Variants in GRM5 observed in about 807,000 individuals in gnomAD.
GRM5 encodes the protein glutamate metabotropic receptor 5.
In GRM5, 19 loss-of-function variants were observed where a neutral mutation model predicts 83.1. That is an observed-to-expected ratio of 0.23 (90% CI 0.16 to 0.34). The LOEUF is 0.34. Among genes scored for constraint, GRM5 ranks in the 10% least tolerant of loss-of-function variants. GRM5 has a pLI of 1.00. For synonymous variants in GRM5, 675 were observed against 633.6 expected, an observed-to-expected ratio of 1.07 and a Z score of -0.98; for missense variants, 1,160 against 1,588.3, an observed-to-expected ratio of 0.73 and a Z score of 4.58.
intron 3 of GRM5, among the ~76,000 whole-genome samples, chr11:88,658,594 A>G (rs1939826835): frequency 6.6e-6 from 1 of 152,202 alleles, no homozygotes; most frequent in African/African-American, 2.4e-5. Flanking sequence ...GTAACCACAT[A>G]CAAATGATTA....
At chr11:89,038,798 A>T (rs1941455371) in intron 2 of GRM5, among the ~76,000 whole-genome samples, 1 of 152,206 alleles carries the variant, frequency 6.6e-6, no homozygotes, top group Admixed American at 6.5e-5. Flanking sequence ...CACCTACTCC[A>T]ATGTAAAGGA....
chr11:88,603,847 A>G (rs1591375840), intron 5 of GRM5, among the ~76,000 whole-genome samples: 1 of 152,198 alleles, frequency 6.6e-6, no homozygotes, highest in Admixed American at 6.5e-5. Context: ...GGCAGGGTCA[A>G]CTACAAACAG....
At chr11:88,839,684 TAC>T (rs569452569) in intron 3 of GRM5, among the ~76,000 whole-genome samples, 130 of 152,186 alleles carry the variant, frequency 8.5e-4, no homozygotes, top group Non-Finnish European at 1.6e-3. Context: ...CCTTAAAATA[TAC>T]AGTTGACCCT....
At position 89,024,482 on chromosome 11, in the gene GRM5, A is replaced by C. The variant is rs371744348; in HGVS notation, c.661+22730T>G. On this transcript the variant is annotated intron_variant, in intron 2 of 9. Coordinates refer to ENST00000305447, the MANE Select transcript of GRM5 (RefSeq NM_001143831.3). ...TAATGAAGAAGTTTATTTTGGCATT[A>C]AATTCATTTTTAATTTGCTTCAAAT... is the stretch of plus-strand genomic sequence containing the variant. Among the ~76,000 whole-genome samples, 33 of 152,340 alleles carry C rather than the reference A, an allele frequency of 2.2e-4. No homozygotes were observed. In the East Asian group the frequency reaches 5.4e-3, roughly 25 times the overall value.
At chr11:88,582,552 G>A (rs980864275) in intron 7 of GRM5, among the ~76,000 whole-genome samples, 3 of 152,130 alleles carry the variant, frequency 2.0e-5, no homozygotes, top group Non-Finnish European at 4.4e-5. Flanking sequence ...CTAGATAGCA[G>A]AATTCTGAAA....
rs775747457 is a variant in GRM5 at position 88,508,088 on chromosome 11, C to CAAAAAGAAAGA, written c.*493_*503dup. The CAAAAAGAAAGA allele has an allele frequency of 1.3e-5, 2 of 152,938 alleles. No individual in the cohort carries two copies. The highest frequency in any genetic ancestry group is 2.4e-5 in the African/African-American group (1 of 41,302). The allele number at this position is 152,938 out of a possible 1,614,324, so 9.5% of individuals were successfully genotyped here. ...CAAGGTCTTTACAGGAAAGAAAAAA[C>CAAAAAGAAAGA]AAAAAGAAAGAAAAAAGAAAGAAAA... is the stretch of plus-strand genomic sequence containing the variant. On this transcript the variant is annotated 3_prime_UTR_variant, in exon 10 of 10. Transcript: ENST00000305447. This position sits in a 1 kb window ranked among gnomAD's most constrained non-coding sequence, Gnocchi z 4.2.
chr11:88,959,994 C>A (rs1295661043), intron 2 of GRM5, among the ~76,000 whole-genome samples: 1 of 152,036 alleles, frequency 6.6e-6, no homozygotes, highest in East Asian at 1.9e-4. Flanking sequence ...GATAAGATGA[C>A]ATTTGAGTAG....
chr11:88,889,520 T>G (rs1226916413), intron 2 of GRM5, among the ~76,000 whole-genome samples: 1 of 152,180 alleles, frequency 6.6e-6, no homozygotes, highest in Non-Finnish European at 1.5e-5. Context: ...TGAGGTTACT[T>G]TTTGTAAAGT....
chr11:88,721,965 G>A (rs1271596202), intron 3 of GRM5, among the ~76,000 whole-genome samples: 1 of 152,112 alleles, frequency 6.6e-6, no homozygotes, highest in Non-Finnish European at 1.5e-5. Flanking sequence ...GATGTAAGGT[G>A]TGACTAAATG....
intron 1 of GRM5, among the ~76,000 whole-genome samples, chr11:89,062,882 C>T (rs532118404): frequency 1.4e-4 from 21 of 152,232 alleles, no homozygotes; most frequent in Non-Finnish European, 2.5e-4. Flanking sequence ...CTTGGCATGC[C>T]GCTCATGCCC....
At chr11:88,767,817 C>A (rs1053243132) in intron 3 of GRM5, among the ~76,000 whole-genome samples, 2 of 151,656 alleles carry the variant, frequency 1.3e-5, no homozygotes, top group African/African-American at 2.4e-5. Flanking sequence ...ACATGTACCC[C>A]AGAACCTAAA....
chr11:89,004,010 G>A (rs1940458816), intron 2 of GRM5, among the ~76,000 whole-genome samples: 1 of 152,128 alleles, frequency 6.6e-6, no homozygotes, highest in African/African-American at 2.4e-5. Flanking sequence ...GGCTTAAGAA[G>A]GATAATGAAC....
At chr11:88,867,548 T>C (rs919648535) in intron 2 of GRM5, among the ~76,000 whole-genome samples, 2 of 151,792 alleles carry the variant, frequency 1.3e-5, no homozygotes, top group Admixed American at 6.6e-5. Flanking sequence ...CTGTGTCTTA[T>C]AGAAAATTCC....
chr11:88,533,998 G>A (rs1015382332), intron 8 of GRM5, among the ~76,000 whole-genome samples: 1 of 152,336 alleles, frequency 6.6e-6, no homozygotes, highest in Admixed American at 6.5e-5. Context: ...CAGCTTCCAT[G>A]TGGTGTTGAG....
At chr11:89,006,524 C>G (rs1314496796) in intron 2 of GRM5, among the ~76,000 whole-genome samples, 1 of 152,102 alleles carries the variant, frequency 6.6e-6, no homozygotes, top group Non-Finnish European at 1.5e-5. Flanking sequence ...TTAAAAGCCC[C>G]CAATGACTTC....
chr11:89,030,351 A>G (rs1941233477), intron 2 of GRM5, among the ~76,000 whole-genome samples: 2 of 152,076 alleles, frequency 1.3e-5, no homozygotes, highest in South Asian at 4.1e-4. Flanking sequence ...GCTTTGTGGT[A>G]ATCTCAAAAT....
At chr11:88,945,809 T>A (rs1443949874) in intron 2 of GRM5, among the ~76,000 whole-genome samples, 1 of 152,058 alleles carries the variant, frequency 6.6e-6, no homozygotes, top group East Asian at 1.9e-4. Context: ...AACAAACCGT[T>A]CTGGACATCA....
intron 3 of GRM5, among the ~76,000 whole-genome samples, chr11:88,750,158 C>T (rs576498607): frequency 3.0e-4 from 46 of 152,162 alleles, no homozygotes; most frequent in African/African-American, 1.1e-3. Flanking sequence ...GGACGAAGAG[C>T]CAAGACCCAT....
At position 88,509,553 on chromosome 11, in the gene GRM5, G is replaced by T. The variant is rs528611026; in HGVS notation, c.2727-49C>A. On this transcript the variant is annotated intron_variant, in intron 9 of 9. Coordinates refer to ENST00000305447, the MANE Select transcript of GRM5 (RefSeq NM_001143831.3). ...GGTGACTCAGCGAGGTGCCCAGGGGGCTTGGATGCCGCTTCCCCAATGGTG... is the reference window on the plus strand; with the variant it reads ...GGTGACTCAGCGAGGTGCCCAGGGGTCTTGGATGCCGCTTCCCCAATGGTG... 4.2e-6 allele frequency: 6 copies of T among 1,426,236 alleles called. No homozygotes were observed. The East Asian group carries it at 1.2e-4, about 28-fold the overall frequency. 88.3% of individuals were successfully genotyped at this position (1,426,236 alleles called of 1,614,324 possible).
Sources: allele counts gnomAD v4.1 joint callset (sites outside exome capture counted in the v4.1 genomes callset), GRCh38; gene constraint gnomAD v4.1.1; non-coding constraint Gnocchi (gnomAD v3.1); transcripts MANE v1.5; gene names NCBI Gene and HGNC (gene_info 2026-07-23, HGNC 2026-07-21).